The following C12orf42 variants were observed in gnomAD, a reference collection of about 807,000 sequenced individuals.
C12orf42 encodes the protein uncharacterized protein C12orf42.
C12orf42 carries 25 observed loss-of-function variants against 21.6 expected under a neutral mutation model. The ratio of observed to expected loss-of-function variants is 1.16; its 90% CI spans 0.84 to 1.62. The LOEUF (loss-of-function observed/expected upper bound fraction) is 1.62. C12orf42 is among the 40% of genes most tolerant of loss of function. The pLI, the probability that C12orf42 is intolerant of heterozygous loss-of-function variation, is 0.00. For synonymous variants in C12orf42, 174 were observed against 175.0 expected (o/e 0.99, Z 0.05); for missense variants, 483 against 459.3 (o/e 1.05, Z -0.47).
intron 4 of C12orf42, among the ~76,000 whole-genome samples, chr12:103,359,555 T>C (rs2043899592): frequency 6.6e-6 from 1 of 152,054 alleles, no homozygotes; most frequent in South Asian, 2.1e-4. Context: ...AGAAATTACA[T>C]GTTGTATAGT....
the C12orf42 span, among the ~76,000 whole-genome samples, chr12:103,540,446 T>C: frequency 6.6e-6 from 1 of 152,214 alleles, no homozygotes; most frequent in African/African-American, 2.4e-5. Context: ...CTCCTTGTAG[T>C]TACTTTTGAT....
At chr12:103,262,893 G>A (rs1326640723) in intron 10 of C12orf42, among the ~76,000 whole-genome samples, 7 of 152,068 alleles carry the variant, frequency 4.6e-5, no homozygotes, top group African/African-American at 1.2e-4. Flanking sequence ...GCAAAGACTC[G>A]GAACCAACCC....
chr12:103,260,178 T>G (rs1407512813), intron 10 of C12orf42, among the ~76,000 whole-genome samples: 1 of 152,240 alleles, frequency 6.6e-6, no homozygotes, highest in Non-Finnish European at 1.5e-5. Flanking sequence ...TAAATTGGCT[T>G]CTTTATAATT....
At chr12:103,068,875 C>CTA in the C12orf42 span, among the ~76,000 whole-genome samples, 86 of 128,828 alleles carry the variant, frequency 6.7e-4, 1 homozygote, top group Middle Eastern at 3.7e-3. Flanking sequence ...ACTCCTCTCT[C>CTA]TATATATATA....
chr12:103,382,477 G>A (rs573866725), intron 3 of C12orf42, among the ~76,000 whole-genome samples: 38 of 152,270 alleles, frequency 2.5e-4, no homozygotes, highest in African/African-American at 8.7e-4. Flanking sequence ...TGTATTTCCT[G>A]CCCCAAAACC....
chr12:103,363,547 GA>G (rs1160651645), intron 4 of C12orf42, among the ~76,000 whole-genome samples: 1 of 152,068 alleles, frequency 6.6e-6, no homozygotes, highest in African/African-American at 2.4e-5. Flanking sequence ...AAAAGATACA[GA>G]ATTGCAGAAC....
the C12orf42 span, among the ~76,000 whole-genome samples, chr12:103,115,848 G>A: frequency 6.6e-6 from 1 of 152,200 alleles, no homozygotes; most frequent in Non-Finnish European, 1.5e-5. Flanking sequence ...TTATAAAACT[G>A]TAGCTTGATT....
chr12:103,383,899 T>C (rs2046380180), intron 3 of C12orf42, among the ~76,000 whole-genome samples: 1 of 152,152 alleles, frequency 6.6e-6, no homozygotes, highest in Non-Finnish European at 1.5e-5. Flanking sequence ...TCCATGTAAA[T>C]TGTTTAAATA....
chr12:103,465,359 C>T (rs900848776), intron 2 of C12orf42, among the ~76,000 whole-genome samples: 3 of 152,180 alleles, frequency 2.0e-5, no homozygotes, highest in African/African-American at 7.2e-5. Context: ...CTCTTTGTAG[C>T]AATTGTGAAT....
chr12:103,283,340 C>T (rs2036247743), intron 4 of C12orf42, among the ~76,000 whole-genome samples: 1 of 152,208 alleles, frequency 6.6e-6, no homozygotes, highest in Non-Finnish European at 1.5e-5. Context: ...GACCACAGTG[C>T]ATGGCCTGTA....
At chr12:103,519,540 T>C in the C12orf42 span, among the ~76,000 whole-genome samples, 286 of 152,306 alleles carry the variant, frequency 1.9e-3, 2 homozygotes, top group African/African-American at 6.8e-3. Flanking sequence ...CAGAATAGAA[T>C]GGTGTACTTC....
At chr12:103,465,827 A>G (rs1482733195) in intron 2 of C12orf42, among the ~76,000 whole-genome samples, 1 of 152,136 alleles carries the variant, frequency 6.6e-6, no homozygotes, top group African/African-American at 2.4e-5. Flanking sequence ...ATTTTATTGA[A>G]GGACTTTTCT....
the C12orf42 span, among the ~76,000 whole-genome samples, chr12:103,136,198 T>C: frequency 6.6e-6 from 1 of 152,156 alleles, no homozygotes; most frequent in Non-Finnish European, 1.5e-5. Flanking sequence ...ATTCAGCAAG[T>C]TGCAGGATAC....
chr12:103,359,748 A>G (rs1483656876), intron 4 of C12orf42, among the ~76,000 whole-genome samples: 2 of 151,904 alleles, frequency 1.3e-5, no homozygotes, highest in Non-Finnish European at 2.9e-5. Context: ...TTAGTTATTA[A>G]TTGTTGCCTT....
At chr12:103,415,787 A>G (rs2049267456) in intron 2 of C12orf42, among the ~76,000 whole-genome samples, 1 of 152,198 alleles carries the variant, frequency 6.6e-6, no homozygotes, top group African/African-American at 2.4e-5. Context: ...TAGGGACAGA[A>G]CACAATAGTC....
chr12:103,485,212 C>T (rs1217698835), intron 1 of C12orf42, among the ~76,000 whole-genome samples: 1 of 152,092 alleles, frequency 6.6e-6, no homozygotes, highest in Non-Finnish European at 1.5e-5. Context: ...TTCCCAGCAC[C>T]ATTTATTAAA....
intron 10 of C12orf42, among the ~76,000 whole-genome samples, chr12:103,249,486 T>C (rs559060387): frequency 4.6e-5 from 7 of 152,170 alleles, no homozygotes; most frequent in Non-Finnish European, 1.0e-4. Flanking sequence ...TAATTTTAGT[T>C]TCAACTCTAG....
chr12:103,402,091 T>A (rs1015986650), intron 2 of C12orf42, among the ~76,000 whole-genome samples: 1 of 152,208 alleles, frequency 6.6e-6, no homozygotes, highest in Non-Finnish European at 1.5e-5. Context: ...CTGAGCCCAA[T>A]GCAGCCATAG....
intron 4 of C12orf42, among the ~76,000 whole-genome samples, chr12:103,342,573 T>C (rs1289539809): frequency 6.6e-6 from 1 of 151,984 alleles, no homozygotes; most frequent in African/African-American, 2.4e-5. Context: ...AGAAAGCCTG[T>C]AAGTTAGAAA....
Sources: allele counts gnomAD v4.1 joint callset (sites outside exome capture counted in the v4.1 genomes callset), GRCh38; gene constraint gnomAD v4.1.1; transcripts MANE v1.5; gene names NCBI Gene and HGNC (gene_info 2026-07-23, HGNC 2026-07-21).